The following ANTXR2 variants were observed in gnomAD, a reference collection of about 807,000 sequenced individuals.
ANTXR2 encodes ANTXR cell adhesion molecule 2.
Under a neutral mutation model 73.7 loss-of-function variants are expected in ANTXR2, and 44 were observed. The observed-to-expected ratio is 0.60, with a 90% CI of 0.47 to 0.77. ANTXR2 has a LOEUF of 0.77. Among genes scored for constraint, ANTXR2 ranks in the 30% least tolerant of loss-of-function variants. The probability of loss-of-function intolerance (pLI) is 0.00; values close to 1 mark genes in which losing one functional copy is unlikely to be tolerated. For synonymous variants in ANTXR2, 217 were observed against 205.9 expected, an observed-to-expected ratio of 1.05 and a Z score of -0.46; for missense variants, 604 against 592.5, an observed-to-expected ratio of 1.02 and a Z score of -0.20.
At chr4:80,051,357 G>A (rs1339906818) in intron 7 of ANTXR2, among the ~76,000 whole-genome samples, 1 of 151,686 alleles carries the variant, frequency 6.6e-6, no homozygotes, top group Non-Finnish European at 1.5e-5. Flanking sequence ...GAGAGAATAT[G>A]TCTTATTCAA....
At chr4:79,957,116 A>T (rs999306497) in intron 16 of ANTXR2, among the ~76,000 whole-genome samples, 30 of 152,148 alleles carry the variant, frequency 2.0e-4, no homozygotes, top group African/African-American at 7.2e-4. Context: ...ACAAAGGCAG[A>T]AACATTGAGA....
chr4:79,986,371 T>A (rs996003364), intron 12 of ANTXR2, among the ~76,000 whole-genome samples: 1 of 152,198 alleles, frequency 6.6e-6, no homozygotes, highest in African/African-American at 2.4e-5. Context: ...GAAAATGTGG[T>A]TCCACTTTTA....
rs980974654 is a variant in ANTXR2, at chr4:79,907,210, C to A, written c.*219G>T. 8 of 590,952 alleles carry A rather than the reference C, an allele frequency of 1.4e-5. No individual in the cohort carries two copies. Among genetic ancestry groups the A allele is most frequent in the Non-Finnish European group, 2.4e-5 (8 of 337,430 alleles). 36.6% of individuals were successfully genotyped at this position (590,952 alleles called of 1,614,324 possible). A position where few individuals can be genotyped will look rare whatever the true frequency, so the allele number is the denominator to read the frequency against. On this transcript the variant is annotated 3_prime_UTR_variant, in exon 17 of 17. Transcript: ENST00000403729. ...TTTCAATGTCATAAATCATGAGTTACCACTGAGTTTCATCACCTCCCATGT... is the reference window on the plus strand; with the variant it reads ...TTTCAATGTCATAAATCATGAGTTAACACTGAGTTTCATCACCTCCCATGT...
chr4:80,008,047 G>A (rs1016896408), intron 12 of ANTXR2, among the ~76,000 whole-genome samples: 2 of 152,110 alleles, frequency 1.3e-5, no homozygotes, highest in Admixed American at 6.5e-5. Flanking sequence ...CAGTTTAACA[G>A]ATATGCTGAC....
chr4:80,043,245 A>G (rs1733359915), intron 7 of ANTXR2, among the ~76,000 whole-genome samples: 1 of 125,208 alleles, frequency 8.0e-6, no homozygotes, highest in East Asian at 2.6e-4. Flanking sequence ...AAATTCTGAT[A>G]TTTGGTATAA....
At chr4:80,012,777 A>T (rs6534705) in intron 11 of ANTXR2, among the ~76,000 whole-genome samples, 13,713 of 152,178 alleles carry the variant, frequency 0.09, 2,011 homozygotes, top group African/African-American at 0.31. Flanking sequence ...GACTGAAACC[A>T]CCTGCTGTTA....
intron 7 of ANTXR2, among the ~76,000 whole-genome samples, chr4:80,040,745 G>GAC (rs572751834): frequency 2.2e-5 from 2 of 91,276 alleles, no homozygotes; most frequent in African/African-American, 4.0e-5. Flanking sequence ...CGCATGCATA[G>GAC]ACACACACAC....
At chr4:80,038,505 G>A (rs1283623081) in intron 7 of ANTXR2, among the ~76,000 whole-genome samples, 1 of 151,996 alleles carries the variant, frequency 6.6e-6, no homozygotes, top group Non-Finnish European at 1.5e-5. Context: ...TAAAGAAGAG[G>A]TTCAGGATGA....
chr4:79,998,264 T>C (rs1730827406), intron 12 of ANTXR2, among the ~76,000 whole-genome samples: 1 of 151,998 alleles, frequency 6.6e-6, no homozygotes. Context: ...TTAAGATCTA[T>C]GAGATCTTTA....
chr4:80,033,015 GA>G (rs912763365), intron 9 of ANTXR2, among the ~76,000 whole-genome samples: 6 of 151,568 alleles, frequency 4.0e-5, no homozygotes, highest in African/African-American at 7.3e-5. Context: ...AAAAAAGAAA[GA>G]AAAAAAGGAA....
At chr4:79,934,264 T>A (rs1002703125) in intron 16 of ANTXR2, among the ~76,000 whole-genome samples, 4 of 152,174 alleles carry the variant, frequency 2.6e-5, no homozygotes, top group African/African-American at 9.7e-5. Context: ...CAGTGGCTTA[T>A]GCCTATATAA....
intron 12 of ANTXR2, among the ~76,000 whole-genome samples, chr4:80,000,501 T>C (rs1435677360): frequency 6.6e-6 from 1 of 152,042 alleles, no homozygotes; most frequent in Non-Finnish European, 1.5e-5. Context: ...ACATGCCTGG[T>C]TTACAATGAT....
chr4:80,039,821 G>A (rs560084922), intron 7 of ANTXR2, among the ~76,000 whole-genome samples: 16 of 151,948 alleles, frequency 1.1e-4, no homozygotes, highest in Non-Finnish European at 1.9e-4. Context: ...AAGCAATCAT[G>A]TGTTCATCGC....
chr4:80,040,655 G>A (rs1343328178), intron 7 of ANTXR2, among the ~76,000 whole-genome samples: 4 of 151,896 alleles, frequency 2.6e-5, no homozygotes, highest in Non-Finnish European at 5.9e-5. Context: ...TAAATCAAGT[G>A]CTTAATAAAT....
chr4:80,000,019 A>G (rs1329891472), intron 12 of ANTXR2, among the ~76,000 whole-genome samples: 1 of 152,118 alleles, frequency 6.6e-6, no homozygotes, highest in Non-Finnish European at 1.5e-5. Flanking sequence ...CAGGGTAAAA[A>G]AATCAATGAC....
intron 7 of ANTXR2, among the ~76,000 whole-genome samples, chr4:80,040,101 A>G (rs1458184989): frequency 3.3e-5 from 5 of 151,938 alleles, no homozygotes; most frequent in Admixed American, 6.6e-5. Flanking sequence ...AACAGTAGAC[A>G]CTGAAGACTA....
intron 7 of ANTXR2, among the ~76,000 whole-genome samples, chr4:80,047,997 A>C (rs1014077549): frequency 6.6e-6 from 1 of 151,718 alleles, no homozygotes; most frequent in African/African-American, 2.4e-5. Flanking sequence ...ATATGAAATC[A>C]GGGGTTAATT....
intron 14 of ANTXR2, among the ~76,000 whole-genome samples, chr4:79,978,975 T>C (rs1292482990): frequency 2.6e-5 from 4 of 152,160 alleles, no homozygotes; most frequent in East Asian, 1.9e-4. Context: ...CTGAGTATGG[T>C]TGTGTGGCAT....
chr4:80,054,774 A>C (rs1733917223), intron 6 of ANTXR2, among the ~76,000 whole-genome samples: 1 of 151,688 alleles, frequency 6.6e-6, no homozygotes, highest in South Asian at 2.1e-4. Context: ...CATTAGATGG[A>C]CTTTCATTAG....
Sources: allele counts gnomAD v4.1 joint callset (sites outside exome capture counted in the v4.1 genomes callset), GRCh38; gene constraint gnomAD v4.1.1; transcripts MANE v1.5; gene names NCBI Gene and HGNC (gene_info 2026-07-23, HGNC 2026-07-21).